LRRK2: variants seen among roughly 807,000 people sequenced by gnomAD.
LRRK2 encodes leucine-rich repeat serine/threonine-protein kinase 2.
Under a neutral mutation model 302.6 loss-of-function variants are expected in LRRK2, and 203 were observed. That is an observed-to-expected ratio of 0.67 (90% CI 0.60 to 0.75). The LOEUF is 0.75. Ranked by LOEUF, LRRK2 falls within the 30% of genes least tolerant of loss-of-function variation. The probability of loss-of-function intolerance (pLI) is 0.00; values close to 1 mark genes in which losing one functional copy is unlikely to be tolerated. For missense variants in LRRK2, 2,830 were observed against 2,951.0 expected (o/e 0.96, Z 0.95); for synonymous variants, 1,066 against 1,031.9 (o/e 1.03, Z -0.63).
chr12:40,313,622 T>G (rs967460137), intron 31 of LRRK2, among the ~76,000 whole-genome samples: 1 of 152,078 alleles, frequency 6.6e-6, no homozygotes, highest in African/African-American at 2.4e-5. Flanking sequence ...CTAGCGTGTC[T>G]GTTTCACATT....
At chr12:40,352,498 G>A (rs1946385053) in intron 44 of LRRK2, among the ~76,000 whole-genome samples, 2 of 75,140 alleles carry the variant, frequency 2.7e-5, no homozygotes, top group African/African-American at 7.8e-5. Context: ...ATTCTTGGGT[G>A]TTTCTCGCAG....
chr12:40,337,562 T>C (rs1945910488), intron 40 of LRRK2, among the ~76,000 whole-genome samples: 2 of 152,166 alleles, frequency 1.3e-5, no homozygotes, highest in African/African-American at 2.4e-5. Flanking sequence ...AAAGCAAGTA[T>C]GCATTTGTCC....
intron 14 of LRRK2, among the ~76,000 whole-genome samples, chr12:40,271,911 A>C (rs1186075632): frequency 6.6e-6 from 1 of 152,130 alleles, no homozygotes; most frequent in East Asian, 1.9e-4. Flanking sequence ...GGGGAGTTCC[A>C]GGTAAAAGGA....
intron 7 of LRRK2, among the ~76,000 whole-genome samples, chr12:40,245,702 C>T (rs1941949634): frequency 1.3e-5 from 2 of 151,932 alleles, no homozygotes. Context: ...GTTTTTGCTA[C>T]GTATCTTATT....
chr12:40,304,817 T>C (rs934832267), intron 27 of LRRK2: 11 of 152,110 alleles, frequency 7.2e-5, no homozygotes, highest in Admixed American at 2.6e-4. Context: ...ATGGATATGG[T>C]AACACAGCAT....
At chr12:40,297,934 A>G (rs959768039) in intron 23 of LRRK2, among the ~76,000 whole-genome samples, 3 of 152,062 alleles carry the variant, frequency 2.0e-5, no homozygotes, top group Admixed American at 2.0e-4. Context: ...ATATTTGTTG[A>G]GGCGTATTCT....
Position 40,323,200 on chromosome 12 carries a change from T to C in LRRK2, c.5550T>C (p.Ile1850=), listed in dbSNP as rs2136894844. The part of the protein sequence containing the change: ...LVNPDQPRLT[I]PISQIAPDLI... Reference sequence around the variant, plus strand: ...ATCCAGATCAACCAAGGCTCACCATTCCAATATCTCAGATTGCCCCTGACT... The same window carrying C: ...ATCCAGATCAACCAAGGCTCACCATCCCAATATCTCAGATTGCCCCTGACT... The change falls in exon 38 of 51, where the codon ATT becomes ATC. Residue 1850 remains isoleucine (I), a synonymous_variant. Coordinates refer to ENST00000298910, the MANE Select transcript of LRRK2 (RefSeq NM_198578.4). The C allele has an allele frequency of 1.2e-6, 2 of 1,613,264 alleles. No homozygotes were observed. The highest frequency in any genetic ancestry group is 1.7e-6 in the Non-Finnish European group (2 of 1,179,406).
intron 40 of LRRK2, among the ~76,000 whole-genome samples, chr12:40,337,193 G>A (rs901284072): frequency 6.6e-6 from 1 of 152,148 alleles, no homozygotes; most frequent in African/African-American, 2.4e-5. Context: ...ATTTTTCCAA[G>A]TATGTTTCAG....
At chr12:40,339,546 C>T (rs1232557619) in intron 40 of LRRK2, among the ~76,000 whole-genome samples, 1 of 152,160 alleles carries the variant, frequency 6.6e-6, no homozygotes. Context: ...TTGCGTGGGT[C>T]AGTCTCCAGA....
intron 18 of LRRK2, among the ~76,000 whole-genome samples, chr12:40,278,601 C>T (rs1943558022): frequency 6.6e-6 from 1 of 152,108 alleles, no homozygotes; most frequent in African/African-American, 2.4e-5. Context: ...ATTTTTTAAC[C>T]ATTTTTTTCC....
intron 16 of LRRK2, among the ~76,000 whole-genome samples, chr12:40,277,541 T>A (rs1248491281): frequency 6.6e-6 from 1 of 152,206 alleles, no homozygotes; most frequent in African/African-American, 2.4e-5. Context: ...GTTCTGCTGA[T>A]CCAACCGCTT....
Position 40,367,811 on chromosome 12 carries a change from C to A in LRRK2, c.*46C>A, listed in dbSNP as rs201079798. 3 of 1,557,048 alleles carry A rather than the reference C, an allele frequency of 1.9e-6. No individual in the cohort carries two copies. The African/African-American group carries it at 4.1e-5, about 21-fold the overall frequency. On this transcript the variant is annotated 3_prime_UTR_variant, in exon 51 of 51. Coordinates refer to ENST00000298910, the MANE Select transcript of LRRK2 (RefSeq NM_198578.4). ...TTGGATAGGAAAATTATTCTCTCCTCTTGTAAATATTTATTTTAAAAATGT... is the reference window on the plus strand; with the variant it reads ...TTGGATAGGAAAATTATTCTCTCCTATTGTAAATATTTATTTTAAAAATGT...
chr12:40,321,317 A>G, intron 35 of LRRK2, 129 bp downstream of exon 35: 2 of 898,892 alleles, frequency 2.2e-6, no homozygotes, highest in East Asian at 5.4e-5. Flanking sequence ...CTTGTTTGGA[A>G]GGCAGCTGAA....
intron 7 of LRRK2, among the ~76,000 whole-genome samples, chr12:40,247,528 A>T: frequency 2.2e-5 from 2 of 88,894 alleles, no homozygotes; most frequent in Non-Finnish European, 5.3e-5. Context: ...ATACATACAA[A>T]TGTATATAAA....
intron 40 of LRRK2, among the ~76,000 whole-genome samples, chr12:40,336,403 T>C (rs1592306636): frequency 6.6e-6 from 1 of 152,220 alleles, no homozygotes; most frequent in East Asian, 1.9e-4. Flanking sequence ...TAAAAACTTA[T>C]TTATTGTCTG....
chr12:40,344,128 C>T (rs978928775), intron 41 of LRRK2, among the ~76,000 whole-genome samples: 1 of 152,088 alleles, frequency 6.6e-6, no homozygotes, highest in African/African-American at 2.4e-5. Context: ...CACAGCTCTA[C>T]CATCTTCGGA....
chr12:40,278,066 T>G (rs753049272), intron 17 of LRRK2, 25 bp from the exon 18 acceptor site: 9 of 1,613,928 alleles, frequency 5.6e-6, no homozygotes, highest in Non-Finnish European at 7.6e-6. Flanking sequence ...TATCTGACTC[T>G]AATTCTCATT....
intron 40 of LRRK2, 91 bp from the exon 41 acceptor site, chr12:40,340,203 C>T: frequency 7.7e-7 from 1 of 1,301,444 alleles, no homozygotes. Flanking sequence ...TGATGCTTGA[C>T]ATAGTGGACA....
chr12:40,322,235 TAAA>T, intron 36 of LRRK2, 54 bp downstream of exon 36: 2 of 1,384,248 alleles, frequency 1.4e-6, no homozygotes, highest in Non-Finnish European at 9.9e-7. Context: ...AATTTAAACT[TAAA>T]AAAAAAAAAA....
Sources: gnomAD v4.1 joint callset for allele counts (sites outside exome capture counted in the v4.1 genomes callset) on GRCh38, gnomAD v4.1.1 for gene constraint, MANE v1.5 for transcripts, NCBI Gene and HGNC (gene_info 2026-07-23, HGNC 2026-07-21) for gene names.